The following FBN3 variants were observed in gnomAD, a reference collection of about 807,000 sequenced individuals.
FBN3 encodes the protein fibrillin-3.
Under a neutral mutation model 330.1 loss-of-function variants are expected in FBN3, and 234 were observed. That is an observed-to-expected ratio of 0.71 (90% confidence interval 0.64 to 0.79). The LOEUF is 0.79. Among genes scored for constraint, FBN3 ranks in the 30% least tolerant of loss-of-function variants. FBN3 has a pLI of 0.00. For missense variants in FBN3, 3,606 were observed against 3,886.9 expected, an observed-to-expected ratio of 0.93 and a Z score of 1.92; for synonymous variants, 1,458 against 1,517.3, an observed-to-expected ratio of 0.96 and a Z score of 0.91.
At chr19:8,134,223 CAG>C (rs1486776746) in intron 13 of FBN3, among the ~76,000 whole-genome samples, 1 of 149,964 alleles carries the variant, frequency 6.7e-6, no homozygotes, top group East Asian at 2.0e-4. Context: ...GCCTGGGTGA[CAG>C]AGTGAGACTC....
rs759047721 is a variant in FBN3 at position 8,087,848 on chromosome 19, C to T, written c.6596G>A (p.Arg2199Gln). ...LCTCPAGYTL[R>Q]EDGAMCRDVD... Reference sequence around the variant, plus strand: ...ACCTCGACACATGGCCCCATCCTCCCGCAGGGTGTAGCCGGCTGGACAGGT... The same window carrying T: ...ACCTCGACACATGGCCCCATCCTCCTGCAGGGTGTAGCCGGCTGGACAGGT... The change falls in exon 53 of 64, where the codon CGG becomes CAG. Residue 2199 changes from arginine to glutamine, a missense_variant. By Grantham distance (43) the Arg-to-Gln change is conservative. Coordinates refer to ENST00000600128, the MANE Select transcript of FBN3 (RefSeq NM_032447.5). 6.8e-6 allele frequency: 11 copies of T among 1,613,982 alleles called. 1 individual carries two copies. The highest frequency in any genetic ancestry group is 2.2e-5 in the East Asian group (1 of 44,888).
chr19:8,120,149 T>TTTTC (rs569495155), intron 25 of FBN3, among the ~76,000 whole-genome samples: 7 of 146,990 alleles, frequency 4.8e-5, no homozygotes, highest in Admixed American at 1.4e-4. Flanking sequence ...TTTCTTTTCT[T>TTTTC]TTTCTTTCTT....
At position 8,129,180 on chromosome 19, in the gene FBN3, G is replaced by A; in HGVS notation, c.2171-27C>T. 1.2e-6 allele frequency: 2 copies of A among 1,612,084 alleles called. No individual in the cohort carries two copies. Among genetic ancestry groups the A allele is most frequent in the East Asian group, 2.2e-5 (1 of 44,868 alleles). ...TGTGGGGTGGGGGTGGGAGAGAGGG[G>A]TGAGGGGTCTGCAGTGGGAGAGGCT... is the stretch of plus-strand genomic sequence containing the variant. On this transcript the variant is annotated intron_variant, in intron 17 of 63. Coordinates refer to ENST00000600128, the MANE Select transcript of FBN3 (RefSeq NM_032447.5). This position sits in a 1 kb window ranked among gnomAD's most constrained non-coding sequence, Gnocchi z 4.5.
rs745686621 is a variant in FBN3, at chr19:8,126,844, GC to G, written c.2297-13del. ...GCATTCGTCGACATCTGTGGGGACA[GC>G]CCCCCACCAGGTCCTGAGCTGCAGG... On this transcript the variant is annotated splice_polypyrimidine_tract_variant and intron_variant, in intron 18 of 63. Coordinates refer to ENST00000600128, the MANE Select transcript of FBN3 (RefSeq NM_032447.5). 7 of 1,537,246 alleles carry G rather than the reference GC, an allele frequency of 4.6e-6. No individual in the cohort carries two copies. In the Admixed American group the frequency reaches 6.5e-5, roughly 14 times the overall value.
At chr19:8,079,610 T>G (rs2081726774) in intron 59 of FBN3, among the ~76,000 whole-genome samples, 1 of 151,896 alleles carries the variant, frequency 6.6e-6, no homozygotes, top group Admixed American at 6.6e-5. Context: ...GTTTGTTTGT[T>G]TGTTTTCGAG....
chr19:8,101,021 A>G (rs1447656471), intron 40 of FBN3, 49 bp from the exon 41 acceptor site: 1 of 1,504,346 alleles, frequency 6.6e-7, no homozygotes, highest in Admixed American at 1.8e-5. Flanking sequence ...GCCTGACCCC[A>G]GCCCGCTCCC....
At chr19:8,135,936 G>GGGGGGGGGGGGGGGGCCCCCCCCCCCCCC in intron 13 of FBN3, 25 bp downstream of exon 13, 36 of 668,668 alleles carry the variant, frequency 5.4e-5, no homozygotes, top group East Asian at 1.2e-4. Context: ...GGAAGCCCCT[G>GGGGGGGGGGGGGGGGCCCCCCCCCCCCCC]CCCACCCGCC....
intron 37 of FBN3, among the ~76,000 whole-genome samples, chr19:8,106,465 C>T (rs1398068240): frequency 1.3e-5 from 2 of 152,228 alleles, no homozygotes; most frequent in Non-Finnish European, 2.9e-5. Context: ...TTCTCCCATC[C>T]ACCACATAGT....
In FBN3 at chr19:8,126,062, G is replaced by A. The variant is rs199903706; in HGVS notation, c.2606-45C>T. The stretch of plus-strand genomic sequence containing the variant: ...AGCCGGAGGGTCCAGGGAGGGGAAG[G>A]GTGCTGGCTGGCCATTCCCCTGGGG... On this transcript the variant is annotated intron_variant, in intron 21 of 63. Coordinates refer to ENST00000600128, the MANE Select transcript of FBN3 (RefSeq NM_032447.5). The A allele has an allele frequency of 2.9e-5, 47 of 1,611,780 alleles. 1 individual carries two copies. In the East Asian group the frequency reaches 1.0e-3, roughly 36 times the overall value.
chr19:8,086,288 G>T lies in FBN3; in HGVS notation c.6792C>A (p.Val2264=). 1 of 1,612,558 alleles carries T rather than the reference G, an allele frequency of 6.2e-7. No individual in the cohort carries two copies. The highest frequency in any genetic ancestry group is 8.5e-7 in the Non-Finnish European group (1 of 1,179,128). ...CCGCGGTGTTGACACAGCGGCCGTT[G>T]ACACAGAGGTCAGGCTGAGCGTGGC... ...NECHAQPDLC[V]NGRCVNTAGS... The change falls in exon 55 of 64, where the codon GTC becomes GTA. Residue 2264 remains valine (V), a synonymous_variant. Transcript: ENST00000600128.
rs1409949820 is a variant in FBN3, at chr19:8,103,557, C to T, written c.4939+5G>A. On this transcript the variant is annotated splice_donor_5th_base_variant and intron_variant, in intron 39 of 63. Coordinates refer to ENST00000600128, the MANE Select transcript of FBN3 (RefSeq NM_032447.5). The stretch of plus-strand genomic sequence containing the variant: ...GCCAGTTCCCTAGGTCATCACGCTT[C>T]TTACCCATGCAGTTGTTGCCACCAT... 1.2e-6 allele frequency: 2 copies of T among 1,612,502 alleles called. No individual in the cohort carries two copies. Among genetic ancestry groups the T allele is most frequent in the African/African-American group, 2.7e-5 (2 of 74,902 alleles).
chr19:8,122,279 G>C (rs1221410564), intron 24 of FBN3, among the ~76,000 whole-genome samples: 4 of 151,924 alleles, frequency 2.6e-5, no homozygotes, highest in Non-Finnish European at 5.9e-5. Context: ...GCCTCCAAAA[G>C]TGCTGGGATC....
chr19:8,128,081 GGGA>G (rs1243761425), intron 18 of FBN3, among the ~76,000 whole-genome samples: 1 of 152,224 alleles, frequency 6.6e-6, no homozygotes, highest in Non-Finnish European at 1.5e-5. Flanking sequence ...CAGGGTATCT[GGGA>G]GGAGATGTGG....
intron 57 of FBN3, 33 bp downstream of exon 57, chr19:8,083,214 G>T (rs749969367): frequency 1.9e-6 from 3 of 1,612,648 alleles, no homozygotes; most frequent in Non-Finnish European, 2.5e-6. Context: ...GCCAGGCTGG[G>T]CCAAGGGTGC....
chr19:8,105,250 G>A (rs2082414054), intron 38 of FBN3, among the ~76,000 whole-genome samples: 1 of 150,692 alleles, frequency 6.6e-6, no homozygotes, highest in African/African-American at 2.4e-5. Flanking sequence ...ACTGTGCCCA[G>A]TCTTTTTTTT....
In FBN3 at chr19:8,102,705, G is replaced by C. The variant is rs766519405; in HGVS notation, c.5089+19C>G. 32 of 1,605,844 alleles carry C rather than the reference G, an allele frequency of 2.0e-5. 1 individual carries two copies. In the South Asian group the frequency reaches 3.3e-4, roughly 17 times the overall value. On this transcript the variant is annotated intron_variant, in intron 40 of 63. Transcript: ENST00000600128. ...TAGGAGGGGCCAGGCTGGGAAGAAG[G>C]TTGGGGAGGGTTACTCACGACTGAT...
At position 8,093,970 on chromosome 19, in the gene FBN3, C is replaced by T. The variant is rs76794892; in HGVS notation, c.5905+476G>A. On this transcript the variant is annotated intron_variant, in intron 47 of 63. Coordinates refer to ENST00000600128, the MANE Select transcript of FBN3 (RefSeq NM_032447.5). Reference sequence around the variant, plus strand: ...AGCCAGACTGGTCCAGGTTAGACCACAGTGAACAAAGCAGCCCATCTGCTC... The same window carrying T: ...AGCCAGACTGGTCCAGGTTAGACCATAGTGAACAAAGCAGCCCATCTGCTC... Among the ~76,000 whole-genome samples, 336 of 152,226 alleles carry T rather than the reference C, an allele frequency of 2.2e-3. 9 individuals are homozygous for T. In the East Asian group the frequency reaches 0.061, roughly 28 times the overall value.
At chr19:8,113,530 A>T (rs2082636036) in intron 30 of FBN3, among the ~76,000 whole-genome samples, 1 of 152,116 alleles carries the variant, frequency 6.6e-6, no homozygotes. Context: ...ATGCCTGATC[A>T]ACAAACACTT....
chr19:8,075,415 C>A lies in FBN3; in HGVS notation c.7454-4G>T. The A allele has an allele frequency of 6.2e-7, 1 of 1,611,144 alleles. No homozygotes were observed. Among genetic ancestry groups the A allele is most frequent in the Admixed American group, 1.7e-5 (1 of 59,812 alleles). The stretch of plus-strand genomic sequence containing the variant: ...TGGGCTGAGCACTCATCATTGTCTG[C>A]AGAGGAGAGAGATCAGGCAGGGTTG... On this transcript the variant is annotated splice_polypyrimidine_tract_variant and splice_region_variant and intron_variant, in intron 59 of 63. Coordinates refer to ENST00000600128, the MANE Select transcript of FBN3 (RefSeq NM_032447.5).
Sources: gnomAD v4.1 joint callset for allele counts (sites outside exome capture counted in the v4.1 genomes callset) on GRCh38, gnomAD v4.1.1 for gene constraint, Gnocchi (gnomAD v3.1) non-coding constraint, MANE v1.5 for transcripts, NCBI Gene and HGNC (gene_info 2026-07-23, HGNC 2026-07-21) for gene names.